Variants in DYNC2H1 observed in about 807,000 individuals in gnomAD.
The protein encoded by DYNC2H1 is dynein cytoplasmic 2 heavy chain 1, also known as cytoplasmic dynein 2 heavy chain 1.
In DYNC2H1, 410 loss-of-function variants were observed where a neutral mutation model predicts 570.0. The ratio of observed to expected loss-of-function variants is 0.72; its 90% confidence interval spans 0.66 to 0.78. The LOEUF is 0.78. DYNC2H1 is among the 30% of genes least tolerant of loss of function. DYNC2H1 has a pLI of 0.00. For synonymous variants in DYNC2H1, 1,688 were observed against 1,677.6 expected, an observed-to-expected ratio of 1.01 and a Z score of -0.15; for missense variants, 4,865 against 5,046.4, an observed-to-expected ratio of 0.96 and a Z score of 1.09.
At chr11:103,391,986 A>G (rs911495737) in intron 83 of DYNC2H1, among the ~76,000 whole-genome samples, 3 of 152,192 alleles carry the variant, frequency 2.0e-5, no homozygotes, top group African/African-American at 7.2e-5. Context: ...CTCAGATCTC[A>G]AACTCCGTGC....
chr11:103,217,472 A>C (rs898174518), intron 55 of DYNC2H1, among the ~76,000 whole-genome samples: 17 of 152,198 alleles, frequency 1.1e-4, no homozygotes, highest in Non-Finnish European at 1.9e-4. Context: ...CAAAAATGCC[A>C]AATAAATGGG....
chr11:103,315,980 A>G (rs313411), intron 79 of DYNC2H1, among the ~76,000 whole-genome samples: 11,616 of 152,152 alleles, frequency 0.076, 656 homozygotes, highest in East Asian at 0.22. Context: ...TAATTAGTCA[A>G]TAGAAGCCAT....
At chr11:103,171,479 C>T (rs1861570302) in intron 34 of DYNC2H1, among the ~76,000 whole-genome samples, 1 of 152,136 alleles carries the variant, frequency 6.6e-6, no homozygotes, top group Non-Finnish European at 1.5e-5. Flanking sequence ...TGGTATTGAA[C>T]TCCTGACCTC....
intron 75 of DYNC2H1, among the ~76,000 whole-genome samples, chr11:103,301,640 CTGTTATT>C (rs1867051762): frequency 6.6e-6 from 1 of 151,800 alleles, no homozygotes; most frequent in African/African-American, 2.4e-5. Flanking sequence ...TAAATTTCAC[CTGTTATT>C]AGGAATATTT....
rs1267512865 is a variant in DYNC2H1, at chr11:103,175,914, G to A, written c.5675-321G>A. Among the ~76,000 whole-genome samples, 5 of 152,116 alleles carry A rather than the reference G, an allele frequency of 3.3e-5. No homozygotes were observed. In the South Asian group the frequency reaches 6.2e-4, roughly 19 times the overall value. ...AACCTACTTTATAGGGTTGTTAAAA[G>A]GATTACATCATATAATATAAAAGGT... On this transcript the variant is annotated intron_variant, in intron 36 of 88. Coordinates refer to ENST00000375735, the MANE Select transcript of DYNC2H1 (RefSeq NM_001377.3).
intron 22 of DYNC2H1, among the ~76,000 whole-genome samples, 154 bp downstream of exon 22, chr11:103,153,662 C>G (rs914053773): frequency 6.6e-6 from 1 of 151,858 alleles, no homozygotes; most frequent in Non-Finnish European, 1.5e-5. Flanking sequence ...ATACTGTTGT[C>G]TTAGGAGTCA....
intron 61 of DYNC2H1, among the ~76,000 whole-genome samples, 152 bp from the exon 62 acceptor site, chr11:103,235,520 C>A (rs1864186146): frequency 6.6e-6 from 1 of 151,900 alleles, no homozygotes; most frequent in Non-Finnish European, 1.5e-5. Context: ...AGTCTGAGAT[C>A]TTTTTGATAT....
At chr11:103,335,803 G>A (rs1939092119) in intron 82 of DYNC2H1, among the ~76,000 whole-genome samples, 2 of 151,988 alleles carry the variant, frequency 1.3e-5, no homozygotes, top group Non-Finnish European at 2.9e-5. Flanking sequence ...CCCTGTAATA[G>A]GTTTTATGGT....
intron 73 of DYNC2H1, among the ~76,000 whole-genome samples, chr11:103,283,856 G>C (rs1189801676): frequency 1.3e-5 from 2 of 151,908 alleles, no homozygotes; most frequent in Non-Finnish European, 2.9e-5. Context: ...AAAGGGGGGG[G>C]AATTCTGCTA....
intron 30 of DYNC2H1, among the ~76,000 whole-genome samples, chr11:103,165,164 C>T (rs1353708643): frequency 6.6e-6 from 1 of 152,154 alleles, no homozygotes; most frequent in Non-Finnish European, 1.5e-5. Context: ...GCAGCTTAGC[C>T]TGCTCTCATG....
chr11:103,252,895 C>T lies in DYNC2H1; in HGVS notation c.10043-390C>T, dbSNP rs1276590886. Among the ~76,000 whole-genome samples the T allele has an allele frequency of 6.6e-6, 1 of 151,876 alleles. No homozygotes were observed. The highest frequency in any genetic ancestry group is 1.5e-5 in the Non-Finnish European group (1 of 67,972). ...GTTTTCAAATACTGTATCTTAAATA[C>T]TAGTGCAATAAACACTTTTAAAATG... On this transcript the variant is annotated intron_variant, in intron 65 of 88. Transcript: ENST00000375735. This position sits in a 1 kb window ranked among gnomAD's most constrained non-coding sequence, Gnocchi z 4.6.
intron 87 of DYNC2H1, 46 bp downstream of exon 87, chr11:103,456,402 C>T (rs1177152382): frequency 2.0e-5 from 30 of 1,469,552 alleles, no homozygotes; most frequent in South Asian, 1.6e-4. Context: ...TTATCACCAA[C>T]TGATATAAGA....
intron 77 of DYNC2H1, among the ~76,000 whole-genome samples, chr11:103,307,262 A>G (rs540976538): frequency 6.6e-6 from 1 of 152,262 alleles, no homozygotes; most frequent in African/African-American, 2.4e-5. Flanking sequence ...GGGAATTAAT[A>G]TCATTATATA....
Position 103,135,008 on chromosome 11 carries a change from A to AC in DYNC2H1, c.2206-487_2206-486insC, listed in dbSNP as rs1304011936. Among the ~76,000 whole-genome samples the AC allele has an allele frequency of 6.6e-5, 10 of 152,228 alleles. No individual in the cohort carries two copies. The East Asian group carries it at 1.9e-3, about 29-fold the overall frequency. ...AAAGGCAAAAGTACTACTAGAATGG[A>AC]TATATTTATGGTTGTATAGAAGCAA... On this transcript the variant is annotated intron_variant, in intron 15 of 88. Transcript: ENST00000375735.
At chr11:103,411,026 G>C (rs1015684493) in intron 84 of DYNC2H1, among the ~76,000 whole-genome samples, 1 of 152,094 alleles carries the variant, frequency 6.6e-6, no homozygotes, top group South Asian at 2.1e-4. Flanking sequence ...ATGCTTGCAT[G>C]TGTAAAGACC....
chr11:103,276,657 A>C (rs1362706283), intron 70 of DYNC2H1, among the ~76,000 whole-genome samples: 3 of 152,096 alleles, frequency 2.0e-5, no homozygotes, highest in Non-Finnish European at 4.4e-5. Context: ...GCAGATGTTT[A>C]TCCATATATG....
intron 53 of DYNC2H1, among the ~76,000 whole-genome samples, chr11:103,210,430 A>G (rs1292101363): frequency 6.6e-6 from 1 of 151,828 alleles, no homozygotes; most frequent in Non-Finnish European, 1.5e-5. Context: ...CTTTATTTTT[A>G]TACCATAGCT....
At position 103,478,557 on chromosome 11, in the gene DYNC2H1, A is replaced by G. The variant is rs533626107; in HGVS notation, c.12766-538A>G. Among the ~76,000 whole-genome samples, 16 of 152,326 alleles carry G rather than the reference A, an allele frequency of 1.1e-4. No individual in the cohort carries two copies. In the South Asian group the frequency reaches 3.3e-3, roughly 32 times the overall value. ...GGAACAGACAGAGCAACGTGATACC[A>G]TGGGAACGTAACCCAAAAAAGAATA... On this transcript the variant is annotated intron_variant, in intron 88 of 88. Transcript: ENST00000375735.
intron 82 of DYNC2H1, among the ~76,000 whole-genome samples, chr11:103,331,240 G>T (rs1348090239): frequency 6.6e-6 from 1 of 152,238 alleles, no homozygotes; most frequent in Non-Finnish European, 1.5e-5. Flanking sequence ...AAGGCCAAGT[G>T]TAGGCTGCTA....
Sources: allele counts gnomAD v4.1 joint callset (sites outside exome capture counted in the v4.1 genomes callset), GRCh38; gene constraint gnomAD v4.1.1; non-coding constraint Gnocchi (gnomAD v3.1); transcripts MANE v1.5; gene names NCBI Gene and HGNC (gene_info 2026-07-23, HGNC 2026-07-21).